DTD2: variants seen among roughly 807,000 people sequenced by gnomAD.
The protein encoded by DTD2 is D-tyrosyl-tRNA deacylase 2 (putative).
Under a neutral mutation model 15.5 loss-of-function variants are expected in DTD2, and 12 were observed. That is an observed-to-expected ratio of 0.77 (90% CI 0.50 to 1.25). The LOEUF (loss-of-function observed/expected upper bound fraction) is 1.25. Among genes scored for constraint, DTD2 ranks in the 50% most tolerant of loss-of-function variants. The pLI, the probability that DTD2 is intolerant of heterozygous loss-of-function variation, is 0.00. For synonymous variants in DTD2, 59 were observed against 77.3 expected (o/e 0.76, Z 1.24); for missense variants, 170 against 201.1 (o/e 0.85, Z 0.93).
At chr14:31,457,098 A>T in intron 1 of DTD2, 185 bp downstream of exon 1, 1 of 599,904 alleles carries the variant, frequency 1.7e-6, no homozygotes, top group Non-Finnish European at 3.0e-6. Flanking sequence ...GGGAACGGTG[A>T]TGCTGGACCG....
At chr14:31,454,250 G>A (rs2032071229) in intron 1 of DTD2, among the ~76,000 whole-genome samples, 1 of 152,136 alleles carries the variant, frequency 6.6e-6, no homozygotes, top group African/African-American at 2.4e-5. Context: ...AAGGGCAGAG[G>A]CACAATTTAT....
intron 2 of DTD2, among the ~76,000 whole-genome samples, chr14:31,448,945 G>A (rs747536284): frequency 4.6e-5 from 7 of 152,174 alleles, no homozygotes; most frequent in South Asian, 2.1e-4. Flanking sequence ...CCAGGCTGGA[G>A]TGCAATGGCG....
Position 31,448,097 on chromosome 14 carries a change from A to C in DTD2, c.*32T>G, listed in dbSNP as rs1275161554. The C allele has an allele frequency of 1.3e-6, 2 of 1,511,492 alleles. No individual in the cohort carries two copies. Among genetic ancestry groups the C allele is most frequent in the Non-Finnish European group, 9.0e-7 (1 of 1,112,998 alleles). The allele number at this position is 1,511,492 out of a possible 1,614,324, so 93.6% of individuals were successfully genotyped here. A position where few individuals can be genotyped will look rare whatever the true frequency, so the allele number is the denominator to read the frequency against. Reference sequence around the variant, plus strand: ...ATTATACTTTAGATCATTTCATACCAGAAAACAGCTATAGAAACTAGTTTT... The same window carrying C: ...ATTATACTTTAGATCATTTCATACCCGAAAACAGCTATAGAAACTAGTTTT... On this transcript the variant is annotated 3_prime_UTR_variant, in exon 3 of 3. Transcript: ENST00000310850.
At chr14:31,449,108 T>C (rs953986192) in intron 2 of DTD2, among the ~76,000 whole-genome samples, 1 of 152,328 alleles carries the variant, frequency 6.6e-6, no homozygotes, top group African/African-American at 2.4e-5. Flanking sequence ...CTAGCCAGGG[T>C]GGTCTCGATC....
intron 2 of DTD2, chr14:31,452,415 T>C (rs1171514221): frequency 2.6e-5 from 4 of 152,270 alleles, no homozygotes; most frequent in Non-Finnish European, 5.9e-5. Flanking sequence ...TATGTGTATG[T>C]GTGTACACTC....
At chr14:31,456,463 G>A (rs757863491) in intron 1 of DTD2, among the ~76,000 whole-genome samples, 4 of 151,990 alleles carry the variant, frequency 2.6e-5, no homozygotes, top group Non-Finnish European at 4.4e-5. Context: ...ATTGTTTTAA[G>A]TAATGCTAGA....
At chr14:31,451,273 G>A (rs998924759) in intron 2 of DTD2, among the ~76,000 whole-genome samples, 2 of 149,530 alleles carry the variant, frequency 1.3e-5, no homozygotes, top group African/African-American at 2.5e-5. Context: ...TCAGCCTCCC[G>A]AGTAGCTGGG....
chr14:31,448,391 TC>T lies in DTD2; in HGVS notation c.244del (p.Asp82IlefsTer18). Reference sequence around the variant, plus strand: ...GATAATAAGAATGTTGCCAGGTAGATCCAATATAGAGACATGCTTGCCATTT... The same window carrying T: ...GATAATAAGAATGTTGCCAGGTAGATCAATATAGAGACATGCTTGCCATTT... ...TENGKHVSILDLPGNILIIPQ... is the reference protein window; with the variant it reads ...TENGKHVSILXLPGNILIIPQ... On this transcript the variant is annotated frameshift_variant, in exon 3 of 3. Transcript: ENST00000310850. LOFTEE classifies it high-confidence loss of function. 3 of 1,614,136 alleles carry T rather than the reference TC, an allele frequency of 1.9e-6. No individual in the cohort carries two copies. The highest frequency in any genetic ancestry group is 2.5e-6 in the Non-Finnish European group (3 of 1,180,012).
rs999960707 is a variant in DTD2, at chr14:31,449,233, C to T, written c.182-779G>A. On this transcript the variant is annotated intron_variant, in intron 2 of 2. Coordinates refer to ENST00000310850, the MANE Select transcript of DTD2 (RefSeq NM_080664.3). ...ATGGAATATCAAATAACAATTTTAG[C>T]GCAGTTATTATTTTAAACTTAGTTG... 2.6e-5 allele frequency among the ~76,000 whole-genome samples: 4 copies of T among 152,158 alleles called. No individual in the cohort carries two copies. The East Asian group carries it at 5.8e-4, about 22-fold the overall frequency.
At chr14:31,452,390 GA>G (rs1446559862) in intron 2 of DTD2, 1 of 152,212 alleles carries the variant, frequency 6.6e-6, no homozygotes, top group Admixed American at 6.5e-5. Context: ...ATCCTTGGCT[GA>G]AGTGCACTGT....
At chr14:31,453,974 T>C (rs1166957318) in intron 1 of DTD2, among the ~76,000 whole-genome samples, 3 of 152,224 alleles carry the variant, frequency 2.0e-5, no homozygotes, top group Non-Finnish European at 4.4e-5. Flanking sequence ...ATCAGGAATA[T>C]AGGCTTATTT....
Position 31,453,319 on chromosome 14 carries a change from A to G in DTD2, c.137T>C (p.Val46Ala). The G allele has an allele frequency of 6.2e-7, 1 of 1,614,108 alleles. No individual in the cohort carries two copies. The highest frequency in any genetic ancestry group is 1.1e-5 in the South Asian group (1 of 91,088). Reference sequence around the variant, plus strand: ...TTTATCAGCTCCCTTGAAAAAGCACACGTAGATCACCAGTCCTCTTTGGAC... The same window carrying G: ...TTTATCAGCTCCCTTGAAAAAGCACGCGTAGATCACCAGTCCTCTTTGGAC... ...VEVQRGLVIY[V>A]CFFKGADKEL... is the part of the protein sequence containing the mutation. The change falls in exon 2 of 3, where the codon GTG (valine) becomes GCG (alanine). Residue 46 changes from valine (V) to alanine (A), a missense_variant. By Grantham distance (64) the Val-to-Ala change is moderately conservative. Coordinates refer to ENST00000310850, the MANE Select transcript of DTD2 (RefSeq NM_080664.3).
chr14:31,451,048 G>A (rs2032026234), intron 2 of DTD2, among the ~76,000 whole-genome samples: 1 of 151,974 alleles, frequency 6.6e-6, no homozygotes, highest in African/African-American at 2.4e-5. Flanking sequence ...TTAATCCAAG[G>A]CAAAATATTA....
chr14:31,450,968 TAAGTC>T (rs2032025451), intron 2 of DTD2, among the ~76,000 whole-genome samples: 1 of 152,202 alleles, frequency 6.6e-6, no homozygotes, highest in South Asian at 2.1e-4. Flanking sequence ...AAGTCAATCT[TAAGTC>T]AGAATGACAA....
intron 2 of DTD2, chr14:31,452,992 C>T: frequency 4.4e-6 from 1 of 227,106 alleles, no homozygotes; most frequent in Middle Eastern, 1.5e-3. Flanking sequence ...GGCTGGAGTG[C>T]AGTGGCACCA....
intron 2 of DTD2, among the ~76,000 whole-genome samples, chr14:31,449,600 C>T (rs1417807382): frequency 6.6e-6 from 1 of 152,180 alleles, no homozygotes; most frequent in Non-Finnish European, 1.5e-5. Context: ...CTTAGAAAGC[C>T]TTTATACCTC....
Position 31,448,309 on chromosome 14 carries a change from G to A in DTD2, c.327C>T (p.Asn109=), listed in dbSNP as rs780719164. ...LKGRNMQYHS[N]SGKEEGFELY... ...GTTCAAACCCTTCTTCTTTTCCAGA[G>A]TTAGAGTGATATTGCATGTTTCTTC... Residue 109 remains asparagine, a synonymous_variant, in exon 3 of 3, where the codon AAC becomes AAT. Transcript: ENST00000310850. 8 of 1,614,180 alleles carry A rather than the reference G, an allele frequency of 5.0e-6. No individual in the cohort carries two copies. Among genetic ancestry groups the A allele is most frequent in the East Asian group, 2.2e-5 (1 of 44,868 alleles).
intron 2 of DTD2, chr14:31,452,185 A>G (rs1255784864): frequency 6.6e-6 from 1 of 152,266 alleles, no homozygotes; most frequent in Non-Finnish European, 1.5e-5. Flanking sequence ...AAGGAAGTGC[A>G]CACATGGCTA....
chr14:31,453,344 C>A lies in DTD2; in HGVS notation c.112G>T (p.Val38Phe), dbSNP rs753674788. 5.0e-6 allele frequency: 8 copies of A among 1,613,732 alleles called. No homozygotes were observed. The highest frequency in any genetic ancestry group is 6.8e-6 in the Non-Finnish European group (8 of 1,179,914). ...ACGTAGATCACCAGTCCTCTTTGGA[C>A]CTATGAGAAATCACCACAGTAAACT... ...DGDVAAQWVEVQRGLVIYVCF... is the reference protein window; with the variant it reads ...DGDVAAQWVEFQRGLVIYVCF... Residue 38 changes from valine (V) to phenylalanine (F), a missense_variant and splice_region_variant, in exon 2 of 3, where the codon GTC (valine) becomes TTC (phenylalanine). Val to Phe is a conservative substitution (Grantham distance 50). Coordinates refer to ENST00000310850, the MANE Select transcript of DTD2 (RefSeq NM_080664.3).
Sources: gnomAD v4.1 joint callset for allele counts (sites outside exome capture counted in the v4.1 genomes callset) on GRCh38, gnomAD v4.1.1 for gene constraint, MANE v1.5 for transcripts, NCBI Gene and HGNC (gene_info 2026-07-23, HGNC 2026-07-21) for gene names.